The following KAZN variants were observed in gnomAD, a reference collection of about 807,000 sequenced individuals.
KAZN encodes kazrin, periplakin interacting protein.
KAZN carries 40 observed loss-of-function variants against 87.4 expected under a neutral mutation model. The ratio of observed to expected loss-of-function variants is 0.46; its 90% CI spans 0.36 to 0.60. KAZN has a LOEUF of 0.60. KAZN is among the 20% of genes least tolerant of loss of function. KAZN has a pLI of 0.00. For synonymous variants in KAZN, 466 were observed against 458.3 expected, an observed-to-expected ratio of 1.02 and a Z score of -0.22; for missense variants, 898 against 1,073.9, an observed-to-expected ratio of 0.84 and a Z score of 2.29.
At chr1:15,103,266 CG>C (rs1371535807) in intron 11 of KAZN, 92 bp from the exon 12 acceptor site, 5 of 883,432 alleles carry the variant, frequency 5.7e-6, no homozygotes, top group Non-Finnish European at 7.2e-6. Context: ...GACTCTGTCT[CG>C]GGGGGAAAAA....
intron 2 of KAZN, among the ~76,000 whole-genome samples, chr1:14,264,815 CAAAT>C (rs1466867435): frequency 3.9e-5 from 6 of 152,212 alleles, no homozygotes; most frequent in South Asian, 2.1e-4. Context: ...TGACTCCAAA[CAAAT>C]AAATTTCTCT....
intron 2 of KAZN, among the ~76,000 whole-genome samples, chr1:14,395,872 C>A (rs560949143): frequency 3.0e-4 from 45 of 152,148 alleles, no homozygotes; most frequent in African/African-American, 1.0e-3. Context: ...GTTCTTGTAC[C>A]TTTTTAAGAC....
At chr1:15,067,665 C>G (rs1639310524) in intron 8 of KAZN, 2 of 985,368 alleles carry the variant, frequency 2.0e-6, no homozygotes, top group Non-Finnish European at 2.4e-6. Context: ...TCCAAAGTCT[C>G]AAGAACAAAC....
chr1:14,105,003 A>T (rs1330860872), intron 1 of KAZN, among the ~76,000 whole-genome samples: 1 of 152,024 alleles, frequency 6.6e-6, no homozygotes, highest in Admixed American at 6.5e-5. Context: ...TATCTCCCTT[A>T]TCTGTGGAGG....
At chr1:14,275,947 A>G (rs550906587) in intron 2 of KAZN, among the ~76,000 whole-genome samples, 2 of 152,296 alleles carry the variant, frequency 1.3e-5, no homozygotes, top group South Asian at 2.1e-4. Context: ...GGTCCTATGT[A>G]AAAATGTTGG....
chr1:15,067,929 C>G (rs1012654924), intron 8 of KAZN: 9 of 838,460 alleles, frequency 1.1e-5, no homozygotes, highest in Non-Finnish European at 1.1e-5. Flanking sequence ...ACCACTCCTG[C>G]TAATGATTTA....
intron 1 of KAZN, among the ~76,000 whole-genome samples, chr1:14,883,341 A>AGGGAGGGAGG (rs1653582981): frequency 3.4e-5 from 1 of 29,540 alleles, no homozygotes; most frequent in African/African-American, 8.9e-5. Flanking sequence ...AGAGAGAGAG[A>AGGGAGGGAGG]GAAAGAAAGA....
At chr1:14,206,741 C>T (rs1456036370) in intron 2 of KAZN, among the ~76,000 whole-genome samples, 1 of 144,746 alleles carries the variant, frequency 6.9e-6, no homozygotes, top group Non-Finnish European at 1.5e-5. Flanking sequence ...GAGAAGCACT[C>T]GTGAGCATTT....
intron 1 of KAZN, among the ~76,000 whole-genome samples, chr1:14,619,499 A>T (rs1410669213): frequency 6.6e-6 from 1 of 152,206 alleles, no homozygotes; most frequent in Non-Finnish European, 1.5e-5. Flanking sequence ...TGTGCCAGGC[A>T]TTGAATCATT....
chr1:13,895,569 C>T (rs1309676040), intron 1 of KAZN, among the ~76,000 whole-genome samples: 1 of 150,980 alleles, frequency 6.6e-6, no homozygotes, highest in African/African-American at 2.4e-5. Context: ...AATCATTAAC[C>T]TTAAGTCAAA....
At chr1:14,181,409 C>T (rs954685009) in intron 2 of KAZN, among the ~76,000 whole-genome samples, 3 of 152,190 alleles carry the variant, frequency 2.0e-5, no homozygotes, top group Admixed American at 1.3e-4. Context: ...TCTTTCATTC[C>T]GCTCTGTAGC....
In KAZN at chr1:14,011,267, G is replaced by A. The variant is rs534061340; in HGVS notation, c.91+117511G>A. 2.6e-5 allele frequency among the ~76,000 whole-genome samples: 4 copies of A among 152,254 alleles called. No individual in the cohort carries two copies. In the East Asian group the frequency reaches 5.8e-4, roughly 22 times the overall value. ...ATCTGGTGGCTGCCTGATCAGATTC[G>A]TTTCGCACTCTTTCTTGCTCACCAT... On this transcript the variant is annotated intron_variant, in intron 1 of 16. Transcript: ENST00000636203.
chr1:14,872,964 A>T (rs1053213076), intron 1 of KAZN, among the ~76,000 whole-genome samples: 1 of 151,302 alleles, frequency 6.6e-6, no homozygotes, highest in Non-Finnish European at 1.5e-5. Context: ...GGATGGATGG[A>T]TGGAAAGATG....
chr1:14,685,118 A>G (rs145951570), intron 1 of KAZN, among the ~76,000 whole-genome samples: 57 of 152,332 alleles, frequency 3.7e-4, no homozygotes, highest in African/African-American at 1.4e-3. Flanking sequence ...GTTTATCTGA[A>G]AGATGCCAGA....
intron 2 of KAZN, among the ~76,000 whole-genome samples, chr1:14,183,780 T>C (rs1418982250): frequency 1.3e-5 from 2 of 152,152 alleles, no homozygotes; most frequent in Non-Finnish European, 2.9e-5. Context: ...GATTGCTTTG[T>C]TGGCAGGAAG....
chr1:15,024,293 A>G (rs1349347958), intron 2 of KAZN, among the ~76,000 whole-genome samples: 1 of 152,158 alleles, frequency 6.6e-6, no homozygotes, highest in Non-Finnish European at 1.5e-5. Context: ...CATCAGATGG[A>G]GAATGTGGAT....
chr1:14,214,745 A>G (rs192271950), intron 2 of KAZN, among the ~76,000 whole-genome samples: 2 of 152,382 alleles, frequency 1.3e-5, no homozygotes, highest in South Asian at 2.1e-4. Flanking sequence ...TACCAAGAGA[A>G]TGAAGACTGT....
chr1:14,267,857 C>T (rs1355501469), intron 2 of KAZN, among the ~76,000 whole-genome samples: 17 of 152,040 alleles, frequency 1.1e-4, no homozygotes, highest in Middle Eastern at 3.2e-3. Context: ...CTACTTGGGA[C>T]GCTGAGGCAG....
rs535800828 is a variant in KAZN at position 14,184,005 on chromosome 1, G to A, written c.249+3413G>A. On this transcript the variant is annotated intron_variant, in intron 2 of 16. Transcript: ENST00000636203. This position sits in a 1 kb window ranked among gnomAD's most constrained non-coding sequence, Gnocchi z 4.2. ...AAAAGGAAGAGCTTGCTTTAAGGGA[G>A]GCTGAATCGTTGGTATACCCTTCCC... 1.3e-5 allele frequency among the ~76,000 whole-genome samples: 2 copies of A among 152,200 alleles called. No homozygotes were observed. The highest frequency in any genetic ancestry group is 4.8e-5 in the African/African-American group (2 of 41,534).
Sources: gnomAD v4.1 joint callset for allele counts (sites outside exome capture counted in the v4.1 genomes callset) on GRCh38, gnomAD v4.1.1 for gene constraint, Gnocchi (gnomAD v3.1) non-coding constraint, MANE v1.5 for transcripts, NCBI Gene and HGNC (gene_info 2026-07-23, HGNC 2026-07-21) for gene names.